The following C12orf76 variants were observed in gnomAD, a reference collection of about 807,000 sequenced individuals.
C12orf76 encodes the protein chromosome 12 open reading frame 76.
C12orf76 carries 6 observed loss-of-function variants against 6.8 expected under a neutral mutation model. The observed-to-expected ratio is 0.88, with a 90% CI of 0.48 to 1.73. The LOEUF (loss-of-function observed/expected upper bound fraction) is 1.73. C12orf76 is among the 40% of genes most tolerant of loss of function. The pLI is 0.01. For missense variants in C12orf76, 99 were observed against 98.2 expected (o/e 1.01, Z -0.03); for synonymous variants, 56 against 43.7 (o/e 1.28, Z -1.11).
At chr12:110,065,881 C>T in exon 2 of C12orf76, 1 of 1,614,138 alleles carries the variant, frequency 6.2e-7, no homozygotes, top group Non-Finnish European at 8.5e-7. Context: ...ACATGCTGTC[C>T]TTGCTGTTCC....
upstream of C12orf76, among the ~76,000 whole-genome samples, chr12:110,069,723 G>A (rs1266450746): frequency 4.0e-5 from 6 of 150,638 alleles, no homozygotes; most frequent in Non-Finnish European, 8.9e-5. Flanking sequence ...GAGAATGATG[G>A]AGGGAACCCC....
chr12:110,051,987 G>A (rs1892584566), upstream of C12orf76, among the ~76,000 whole-genome samples: 1 of 141,058 alleles, frequency 7.1e-6, no homozygotes, highest in Non-Finnish European at 1.5e-5. Flanking sequence ...CCGCCTCCTA[G>A]GTTCATGCCA....
chr12:110,052,948 T>A (rs142130165), upstream of C12orf76, among the ~76,000 whole-genome samples: 1,246 of 151,304 alleles, frequency 8.2e-3, 9 homozygotes, highest in Non-Finnish European at 9.7e-3. Context: ...CACGCCTGTA[T>A]TCCCAGCACT....
intron 2 of C12orf76, among the ~76,000 whole-genome samples, chr12:110,064,862 G>A (rs548050379): frequency 3.3e-5 from 5 of 152,250 alleles, no homozygotes; most frequent in South Asian, 2.1e-4. Flanking sequence ...GGGCTGGGGC[G>A]GTATCCCCAG....
At chr12:110,069,357 C>A (rs894904957), upstream of C12orf76, among the ~76,000 whole-genome samples, 4 of 152,102 alleles carry the variant, frequency 2.6e-5, no homozygotes, top group African/African-American at 9.7e-5. Context: ...GGAGAATGGC[C>A]GGAACCCGGG....
At chr12:110,068,079 G>A (rs1892895617), upstream of C12orf76, among the ~76,000 whole-genome samples, 1 of 151,642 alleles carries the variant, frequency 6.6e-6, no homozygotes. Flanking sequence ...TGGGCGTAGT[G>A]GGGCATGCCA....
At chr12:110,065,414 G>A (rs1892842624) in intron 2 of C12orf76, among the ~76,000 whole-genome samples, 2 of 151,990 alleles carry the variant, frequency 1.3e-5, no homozygotes, top group Non-Finnish European at 2.9e-5. Context: ...CAGGTGATCT[G>A]CCCGCCTTGG....
intron 2 of C12orf76, among the ~76,000 whole-genome samples, chr12:110,059,767 T>C (rs1408691793): frequency 6.6e-6 from 1 of 152,164 alleles, no homozygotes; most frequent in Non-Finnish European, 1.5e-5. Context: ...TGAGAGCACA[T>C]GGCCTGTAGG....
chr12:110,067,414 G>A (rs763279976), intron 1 of C12orf76: 23 of 985,302 alleles, frequency 2.3e-5, no homozygotes, highest in Non-Finnish European at 2.8e-5. Flanking sequence ...GACTAGAGAA[G>A]TAGACTTCAG....
chr12:110,048,388 G>A lies in C12orf76; in HGVS notation c.108C>T (p.Tyr36=), dbSNP rs909665810. ...CCAGGTTCTGCCCTCGCAGCACCGC[G>A]TACGGCCGGCTCCGCTCCAGCGGAT... is the stretch of plus-strand genomic sequence containing the variant. ...PVDPLERSRP[Y]AVLRGQNLVL... The change falls in exon 1 of 2, where the codon TAC becomes TAT. Residue 36 remains tyrosine (Y), a synonymous_variant. Coordinates refer to ENST00000615315, the MANE Select transcript of C12orf76 (RefSeq NM_001389625.1). 122 of 1,515,476 alleles carry A rather than the reference G, an allele frequency of 8.1e-5. No individual in the cohort carries two copies. In the Admixed American group the frequency reaches 2.0e-3, roughly 25 times the overall value. 93.9% of individuals were successfully genotyped at this position (1,515,476 alleles called of 1,614,324 possible).
upstream of C12orf76, among the ~76,000 whole-genome samples, chr12:110,071,868 A>G (rs1365946350): frequency 6.6e-6 from 1 of 152,226 alleles, no homozygotes; most frequent in Non-Finnish European, 1.5e-5. Context: ...GTGGGAATGT[A>G]AAAGGGTGCA....
In C12orf76 at chr12:110,063,344, T is replaced by C. The variant is rs111645259; in HGVS notation, n.380+2516A>G. Among the ~76,000 whole-genome samples, 1,513 of 152,116 alleles carry C rather than the reference T, an allele frequency of 9.9e-3. 3 individuals carry two copies. Among genetic ancestry groups the C allele is most frequent in the African/African-American group, 0.013 (527 of 41,510 alleles). On this transcript the variant is annotated intron_variant and non_coding_transcript_variant, in intron 2 of 4. Transcript: ENST00000309050. ...CATCACCCAGGGTGGGGTGCAGTGG[T>C]GCAATCTCAGCTCACTGCAACTGCT...
intron 4 of C12orf76, among the ~76,000 whole-genome samples, chr12:110,055,212 A>AG (rs1892647833): frequency 2.0e-5 from 3 of 148,686 alleles, no homozygotes; most frequent in African/African-American, 7.4e-5. Context: ...TATGAGACGA[A>AG]GCTTTTTTTT....
At chr12:110,050,010 C>G (rs917855213), upstream of C12orf76, 4 of 152,188 alleles carry the variant, frequency 2.6e-5, no homozygotes, top group Non-Finnish European at 4.4e-5. Context: ...ATTCGGGGAG[C>G]TCGGATTTTA....
intron 1 of C12orf76, among the ~76,000 whole-genome samples, chr12:110,047,015 G>A (rs1344649161): frequency 6.6e-6 from 1 of 152,152 alleles, no homozygotes; most frequent in Non-Finnish European, 1.5e-5. Flanking sequence ...AAACTATTTA[G>A]TAGAGTGCTA....
upstream of C12orf76, among the ~76,000 whole-genome samples, chr12:110,070,789 T>G (rs1275624642): frequency 6.6e-6 from 1 of 152,202 alleles, no homozygotes; most frequent in Non-Finnish European, 1.5e-5. Context: ...TTGTTTTTGT[T>G]TTTGAGATGG....
chr12:110,043,557 A>G (rs945138612), intron 1 of C12orf76, among the ~76,000 whole-genome samples: 1 of 152,148 alleles, frequency 6.6e-6, no homozygotes, highest in South Asian at 2.1e-4. Context: ...ACTAACTCAC[A>G]AATCTGCTAT....
upstream of C12orf76, among the ~76,000 whole-genome samples, chr12:110,068,215 A>AAGAAGG (rs1229993283): frequency 6.6e-6 from 1 of 150,786 alleles, no homozygotes; most frequent in Non-Finnish European, 1.5e-5. Flanking sequence ...AAAAAAGAAG[A>AAGAAGG]AGAAGGAGAA....
intron 2 of C12orf76, among the ~76,000 whole-genome samples, chr12:110,062,387 G>T (rs1246277521): frequency 6.6e-6 from 1 of 152,196 alleles, no homozygotes; most frequent in Non-Finnish European, 1.5e-5. Context: ...GCATAGAGTA[G>T]ATTCATGGTT....
Sources: gnomAD v4.1 joint callset for allele counts (sites outside exome capture counted in the v4.1 genomes callset) on GRCh38, gnomAD v4.1.1 for gene constraint, MANE v1.5 for transcripts, NCBI Gene and HGNC (gene_info 2026-07-23, HGNC 2026-07-21) for gene names.